GRB10: variants seen among roughly 807,000 people sequenced by gnomAD.
The protein encoded by GRB10 is growth factor receptor-bound protein 10.
In GRB10, 20 loss-of-function variants were observed where a neutral mutation model predicts 80.9. The observed-to-expected ratio is 0.25, with a 90% confidence interval of 0.17 to 0.36. GRB10 has a LOEUF of 0.36. Ranked by LOEUF, GRB10 falls within the 10% of genes least tolerant of loss-of-function variation. The pLI, the probability that GRB10 is intolerant of heterozygous loss-of-function variation, is 1.00. For missense variants in GRB10, 548 were observed against 747.7 expected (o/e 0.73, Z 3.12); for synonymous variants, 291 against 291.5 (o/e 1.00, Z 0.02).
intron 5 of GRB10, among the ~76,000 whole-genome samples, chr7:50,676,732 G>A (rs2060996238): frequency 6.6e-6 from 1 of 152,186 alleles, no homozygotes; most frequent in African/African-American, 2.4e-5. Flanking sequence ...ATGAGGGAGG[G>A]AAGTCCTGGG....
rs1306899962 is a variant in GRB10 at position 50,782,245 on chromosome 7, G to A, written c.-327+179C>T. 2.6e-5 allele frequency among the ~76,000 whole-genome samples: 4 copies of A among 151,774 alleles called. No individual in the cohort carries two copies. Among genetic ancestry groups the A allele is most frequent in the Non-Finnish European group, 4.4e-5 (3 of 67,896 alleles). On this transcript the variant is annotated intron_variant, in intron 1 of 18. Coordinates refer to ENST00000401949, the MANE Select transcript of GRB10 (RefSeq NM_001350814.2). The surrounding 1 kb of genome is among the most constrained non-coding windows in gnomAD (Gnocchi z 6.6). ...GAAGCTCGGGATCTCGGACTGCAGC[G>A]AGCCCGCGGCAGGCGGGCAGGGGGC...
rs568323329 is a variant in GRB10, at chr7:50,764,143, C to T, written c.-216-8087G>A. 2.0e-5 allele frequency among the ~76,000 whole-genome samples: 3 copies of T among 147,420 alleles called. No homozygotes were observed. In the East Asian group the frequency reaches 5.8e-4, roughly 28 times the overall value. On this transcript the variant is annotated intron_variant, in intron 2 of 18. Transcript: ENST00000401949. ...AAACACCTGTGGCCCCAGCTGCCTT[C>T]CACCTTCCCCTGCTGGTAGCCTCCT...
chr7:50,631,344 C>T (rs1377039322), intron 7 of GRB10, among the ~76,000 whole-genome samples: 1 of 152,046 alleles, frequency 6.6e-6, no homozygotes, highest in Non-Finnish European at 1.5e-5. Context: ...GGACAGACGG[C>T]CCAGCCTCCA....
chr7:50,770,345 T>C (rs565949565), intron 2 of GRB10, among the ~76,000 whole-genome samples: 267 of 152,368 alleles, frequency 1.8e-3, no homozygotes, highest in African/African-American at 6.3e-3. Context: ...CCTAAGCTGC[T>C]GAGTTTCTGA....
chr7:50,632,106 G>A (rs2054108630), intron 7 of GRB10, among the ~76,000 whole-genome samples: 1 of 152,078 alleles, frequency 6.6e-6, no homozygotes, highest in Admixed American at 6.5e-5. Flanking sequence ...ACCAGGGTAG[G>A]CTAAATTAAT....
intron 6 of GRB10, among the ~76,000 whole-genome samples, chr7:50,671,011 C>T (rs1309641099): frequency 3.9e-5 from 6 of 152,112 alleles, no homozygotes; most frequent in Admixed American, 3.9e-4. Context: ...CACAGTATGA[C>T]GAATCAGAAG....
At chr7:50,593,208 A>C in intron 18 of GRB10, 110 bp from the exon 19 acceptor site, 1 of 1,254,832 alleles carries the variant, frequency 8.0e-7, no homozygotes, top group South Asian at 1.2e-5. Flanking sequence ...TTCCAGAGGG[A>C]CACACAGGGC....
At chr7:50,675,590 C>T (rs2060842257) in intron 5 of GRB10, among the ~76,000 whole-genome samples, 1 of 152,232 alleles carries the variant, frequency 6.6e-6, no homozygotes, top group East Asian at 1.9e-4. Context: ...AAAGACCGGC[C>T]TCCAAGGGGA....
chr7:50,790,199 G>A (rs1267057519), intron 1 of GRB10, among the ~76,000 whole-genome samples: 2 of 152,168 alleles, frequency 1.3e-5, no homozygotes, highest in Admixed American at 1.3e-4. Context: ...TTAAATACCA[G>A]CCAGGGGCTG....
At chr7:50,786,925 T>C (rs2078716689), upstream of GRB10, among the ~76,000 whole-genome samples, 1 of 152,216 alleles carries the variant, frequency 6.6e-6, no homozygotes, top group Admixed American at 6.5e-5. Flanking sequence ...CTTCCAAAGA[T>C]AAAACTGCAG....
At chr7:50,658,376 G>A (rs928846821) in intron 7 of GRB10, among the ~76,000 whole-genome samples, 13 of 152,178 alleles carry the variant, frequency 8.5e-5, no homozygotes, top group African/African-American at 2.9e-4. Flanking sequence ...GAAATTTCGA[G>A]TCAAAGCAGC....
At chr7:50,692,390 T>A (rs145933803) in intron 5 of GRB10, among the ~76,000 whole-genome samples, 1 of 152,078 alleles carries the variant, frequency 6.6e-6, no homozygotes, top group African/African-American at 2.4e-5. Context: ...AAGAGGACAT[T>A]AGAGGAATCA....
intron 18 of GRB10, among the ~76,000 whole-genome samples, chr7:50,594,084 TAGA>T (rs972195150): frequency 3.7e-4 from 56 of 152,262 alleles, no homozygotes; most frequent in African/African-American, 1.2e-3. Context: ...TATAATGCAG[TAGA>T]AGAACAAAAA....
chr7:50,621,862 A>T (rs2051820847), intron 8 of GRB10, among the ~76,000 whole-genome samples: 1 of 152,246 alleles, frequency 6.6e-6, no homozygotes, highest in Non-Finnish European at 1.5e-5. Context: ...TCTACTCCTC[A>T]AGAAAAAATA....
chr7:50,753,776 C>T (rs577274307), intron 3 of GRB10, among the ~76,000 whole-genome samples: 9 of 152,274 alleles, frequency 5.9e-5, no homozygotes, highest in Non-Finnish European at 8.8e-5. Context: ...CATGTCCATG[C>T]CAAGCAGTCC....
intron 2 of GRB10, chr7:50,779,179 TA>T (rs962172110): frequency 6.0e-5 from 9 of 150,996 alleles, no homozygotes; most frequent in African/African-American, 1.9e-4. Context: ...AAAAAGACAC[TA>T]AAGTGAACAC....
chr7:50,681,001 T>C (rs1179342660), intron 5 of GRB10, among the ~76,000 whole-genome samples: 1 of 152,168 alleles, frequency 6.6e-6, no homozygotes, highest in Non-Finnish European at 1.5e-5. Flanking sequence ...TAACACAAAA[T>C]ATGGAGACTA....
At chr7:50,770,245 GA>G (rs141973717) in intron 2 of GRB10, among the ~76,000 whole-genome samples, 1,708 of 152,324 alleles carry the variant, frequency 0.011, 24 homozygotes, top group African/African-American at 0.038. Flanking sequence ...CACAAAAAGG[GA>G]TAAAATTTTT....
At chr7:50,597,403 C>T (rs1163376867) in intron 17 of GRB10, among the ~76,000 whole-genome samples, 1 of 152,170 alleles carries the variant, frequency 6.6e-6, no homozygotes, top group Non-Finnish European at 1.5e-5. Context: ...TTCTCCCAAG[C>T]GCTGGTGCAT....
Sources: gnomAD v4.1 joint callset for allele counts (sites outside exome capture counted in the v4.1 genomes callset) on GRCh38, gnomAD v4.1.1 for gene constraint, Gnocchi (gnomAD v3.1) non-coding constraint, MANE v1.5 for transcripts, NCBI Gene and HGNC (gene_info 2026-07-23, HGNC 2026-07-21) for gene names.